NIN: variants seen among roughly 807,000 people sequenced by gnomAD.
The protein encoded by NIN is ninein.
NIN carries 137 observed loss-of-function variants against 257.6 expected under a neutral mutation model. The ratio of observed to expected loss-of-function variants is 0.53; its 90% CI spans 0.46 to 0.61. The LOEUF (loss-of-function observed/expected upper bound fraction) is 0.61. NIN is among the 20% of genes least tolerant of loss of function. The pLI, the probability that NIN is intolerant of heterozygous loss-of-function variation, is 0.00. For synonymous variants in NIN, 918 were observed against 919.8 expected, an observed-to-expected ratio of 1.00 and a Z score of 0.04; for missense variants, 2,439 against 2,501.2, an observed-to-expected ratio of 0.98 and a Z score of 0.53.
At position 50,723,152 on chromosome 14, in the gene NIN, A is replaced by AC. The variant is rs942493557; in HGVS notation, c.*310dup. The stretch of plus-strand genomic sequence containing the variant: ...TAGATTTGTAATAATTAAAAAAAAA[A>AC]CCAAAACCACAAAAACTCATTCAAA... On this transcript the variant is annotated 3_prime_UTR_variant, in exon 31 of 31. Transcript: ENST00000530997. 1 of 266,084 alleles carries AC rather than the reference A, an allele frequency of 3.8e-6. No individual in the cohort carries two copies. The highest frequency in any genetic ancestry group is 2.2e-5 in the African/African-American group (1 of 45,048). The allele number at this position is 266,084 out of a possible 1,614,324, so 16.5% of individuals were successfully genotyped here.
intron 27 of NIN, among the ~76,000 whole-genome samples, chr14:50,737,003 G>A (rs955737460): frequency 1.3e-5 from 2 of 152,166 alleles, no homozygotes; most frequent in Non-Finnish European, 2.9e-5. Flanking sequence ...TGACCAGGGG[G>A]TAGCCAGCCT....
rs1227902471 is a variant in NIN, at chr14:50,821,993, T to C, written c.64A>G (p.Thr22Ala). Residue 22 changes from threonine to alanine, a missense_variant, in exon 3 of 31, where the codon ACG (threonine) becomes GCG (alanine). This residue lies in a region of NIN where 387 missense variants were observed against 427.3 expected (regional missense o/e 0.91). Transcript: ENST00000530997. ...TGCCCCAGGGACCCTGTGCCCGTCG[T>C]GTCAAAACTGTCAAACAGCTCCTTG... ...RLKELFDSFD[T>A]TGTGSLGQEE... 5 of 1,614,170 alleles carry C rather than the reference T, an allele frequency of 3.1e-6. No homozygotes were observed.
chr14:50,747,398 A>C (rs1210583641), intron 22 of NIN, among the ~76,000 whole-genome samples: 1 of 152,176 alleles, frequency 6.6e-6, no homozygotes, highest in East Asian at 1.9e-4. Context: ...CAGAACAACA[A>C]TTTCTTAAAC....
intron 21 of NIN, 95 bp from the exon 22 acceptor site, chr14:50,748,200 A>G (rs1201478399): frequency 1.4e-6 from 1 of 723,034 alleles, no homozygotes; most frequent in Non-Finnish European, 2.4e-6. Context: ...GGAAACAGTA[A>G]TATGAACTCA....
chr14:50,759,867 G>C lies in NIN; in HGVS notation c.2389C>G (p.Gln797Glu). Residue 797 changes from glutamine (Q) to glutamate (E), a missense_variant, in exon 17 of 31, where the codon CAG becomes GAG. By Grantham distance (29) the Gln-to-Glu change is conservative. Around this residue, in one of 3 missense-constraint regions of NIN, gnomAD observed 2,043 missense variants for 2,050.2 expected, o/e 1.00. Coordinates refer to ENST00000530997, the MANE Select transcript of NIN (RefSeq NM_020921.4). Reference sequence around the variant, plus strand: ...CCTTCACTTTCTTACCTTCCCTCCTGAAGCTCCCTTTGGTGCTTTTCCAAG... The same window carrying C: ...CCTTCACTTTCTTACCTTCCCTCCTCAAGCTCCCTTTGGTGCTTTTCCAAG... Reference protein sequence around the residue: ...ELLEKHQRELQEGREKMETEC... With the variant: ...ELLEKHQRELEEGREKMETEC... 6.2e-7 allele frequency: 1 copy of C among 1,608,326 alleles called. No homozygotes were observed. The highest frequency in any genetic ancestry group is 1.7e-4 in the Middle Eastern group (1 of 6,026).
At position 50,766,293 on chromosome 14, in the gene NIN, C is replaced by G. The variant is rs777729560; in HGVS notation, c.1635+14G>C. The stretch of plus-strand genomic sequence containing the variant: ...GGCACTCCTGCACTTACTCAGTTCT[C>G]TTTGTCTACCTACCCTGCACTGCCG... On this transcript the variant is annotated intron_variant, in intron 14 of 30. Coordinates refer to ENST00000530997, the MANE Select transcript of NIN (RefSeq NM_020921.4). The G allele has an allele frequency of 6.2e-7, 1 of 1,608,600 alleles. No homozygotes were observed. The highest frequency in any genetic ancestry group is 8.5e-7 in the Non-Finnish European group (1 of 1,175,042).
chr14:50,772,894 C>T (rs948669296), intron 8 of NIN, 55 bp downstream of exon 8: 45 of 1,469,104 alleles, frequency 3.1e-5, no homozygotes, highest in East Asian at 9.1e-5. Context: ...TTAGACATTA[C>T]TTAAATGGGT....
chr14:50,806,638 G>A, intron 4 of NIN, 99 bp downstream of exon 4: 1 of 616,340 alleles, frequency 1.6e-6, no homozygotes, highest in Non-Finnish European at 2.9e-6. Context: ...GTGAAAGGCA[G>A]ATGTCCCCAA....
intron 21 of NIN, among the ~76,000 whole-genome samples, chr14:50,748,439 C>G (rs1306301149): frequency 1.3e-5 from 2 of 152,170 alleles, no homozygotes; most frequent in African/African-American, 2.4e-5. Context: ...TCTCACCACT[C>G]CTATTCAACA....
intron 3 of NIN, among the ~76,000 whole-genome samples, chr14:50,818,732 A>G (rs575104591): frequency 1.7e-4 from 26 of 152,280 alleles, no homozygotes; most frequent in Non-Finnish European, 3.4e-4. Flanking sequence ...CATTTCAAAC[A>G]CCTGTACAGT....
intron 4 of NIN, among the ~76,000 whole-genome samples, chr14:50,802,537 T>C (rs1442360381): frequency 6.6e-6 from 1 of 152,172 alleles, no homozygotes; most frequent in Non-Finnish European, 1.5e-5. Context: ...TAGGAGGCTA[T>C]AAAAACATGA....
At chr14:50,817,409 A>G (rs1360781820) in intron 3 of NIN, among the ~76,000 whole-genome samples, 1 of 152,238 alleles carries the variant, frequency 6.6e-6, no homozygotes, top group Non-Finnish European at 1.5e-5. Flanking sequence ...AATCCACCAC[A>G]TGAAATTTAT....
upstream of NIN, among the ~76,000 whole-genome samples, chr14:50,831,494 C>T (rs2045711189): frequency 1.3e-5 from 2 of 152,124 alleles, no homozygotes; most frequent in African/African-American, 4.8e-5. Flanking sequence ...CGTCTTCGCG[C>T]AGAGGAAGGG....
chr14:50,750,016 AT>A (rs1472032615), intron 21 of NIN, among the ~76,000 whole-genome samples: 3 of 151,994 alleles, frequency 2.0e-5, no homozygotes, highest in African/African-American at 7.2e-5. Flanking sequence ...GTCTATGTTT[AT>A]TTCATAATTA....
At chr14:50,752,958 C>T (rs577504820) in intron 20 of NIN, among the ~76,000 whole-genome samples, 1 of 152,246 alleles carries the variant, frequency 6.6e-6, no homozygotes, top group South Asian at 2.1e-4. Flanking sequence ...TACAGGGGAG[C>T]CCATTGTCCA....
chr14:50,770,714 C>CTG (rs2042694596), intron 11 of NIN, 138 bp downstream of exon 11: 1 of 1,334,024 alleles, frequency 7.5e-7, no homozygotes, highest in Non-Finnish European at 1.0e-6. Flanking sequence ...TTGACCACAT[C>CTG]TGAGTCACTC....
At chr14:50,731,344 A>T (rs2040685759) in intron 28 of NIN, among the ~76,000 whole-genome samples, 1 of 151,904 alleles carries the variant, frequency 6.6e-6, no homozygotes, top group African/African-American at 2.4e-5. Flanking sequence ...AGCCTGTCCA[A>T]CGTGGTGAAA....
chr14:50,815,588 T>C (rs192827837), intron 3 of NIN, among the ~76,000 whole-genome samples: 8 of 152,346 alleles, frequency 5.3e-5, no homozygotes, highest in East Asian at 3.9e-4. Flanking sequence ...GATATATGCA[T>C]GCATATGTTC....
chr14:50,780,518 G>A (rs747308464), intron 5 of NIN, among the ~76,000 whole-genome samples: 1 of 152,134 alleles, frequency 6.6e-6, no homozygotes, highest in South Asian at 2.1e-4. Flanking sequence ...AAGTTAATAC[G>A]AGTTGAAGTT....
Sources: allele counts gnomAD v4.1 joint callset (sites outside exome capture counted in the v4.1 genomes callset), GRCh38; gene constraint gnomAD v4.1.1; regional missense constraint gnomAD v4.1.1; transcripts MANE v1.5; gene names NCBI Gene and HGNC (gene_info 2026-07-23, HGNC 2026-07-21).